MTMR14: variants seen among roughly 807,000 people sequenced by gnomAD.
MTMR14 encodes myotubularin related protein 14, also known as phosphatidylinositol-3,5-bisphosphate 3-phosphatase MTMR14.
A neutral mutation model predicts 86.3 loss-of-function variants in MTMR14; 48 were observed. That is an observed-to-expected ratio of 0.56 (90% CI 0.44 to 0.71). MTMR14 has a LOEUF of 0.71. Among genes scored for constraint, MTMR14 ranks in the 30% least tolerant of loss-of-function variants. The probability of loss-of-function intolerance (pLI) is 0.00; values close to 1 mark genes in which losing one functional copy is unlikely to be tolerated. For missense variants in MTMR14, 780 were observed against 834.6 expected (o/e 0.93, Z 0.81); for synonymous variants, 366 against 326.1 (o/e 1.12, Z -1.32).
intron 1 of MTMR14, among the ~76,000 whole-genome samples, chr3:9,653,236 A>G (rs1379331046): frequency 2.0e-5 from 3 of 152,244 alleles, no homozygotes; most frequent in African/African-American, 7.2e-5. Context: ...CTCCGTCTCA[A>G]AAAATAAATA....
At chr3:9,694,325 C>A (rs1481480586) in intron 17 of MTMR14, among the ~76,000 whole-genome samples, 1 of 144,126 alleles carries the variant, frequency 6.9e-6, no homozygotes, top group Non-Finnish European at 1.5e-5. Context: ...TGATTCAGGC[C>A]CCCCTCCCGT....
chr3:9,668,680 G>A, intron 3 of MTMR14, 39 bp from the exon 4 acceptor site: 1 of 1,610,916 alleles, frequency 6.2e-7, no homozygotes, highest in Non-Finnish European at 8.5e-7. Context: ...GCATGCTTCA[G>A]AAAACCATCT....
chr3:9,688,915 C>T (rs756410850), intron 15 of MTMR14, 29 bp from the exon 16 acceptor site: 45 of 1,613,594 alleles, frequency 2.8e-5, no homozygotes, highest in Admixed American at 8.3e-5. Flanking sequence ...GAAGGTAACA[C>T]GCTGACTGAT....
Position 9,701,525 on chromosome 3 carries a change from A to G in MTMR14, c.1770-265A>G, listed in dbSNP as rs1031550969. The G allele has an allele frequency of 9.6e-5, 19 of 198,186 alleles. No homozygotes were observed. The highest frequency in any genetic ancestry group is 5.7e-4 in the African/African-American group (18 of 31,528). The allele number at this position is 198,186 out of a possible 1,614,324, so 12.3% of individuals were successfully genotyped here. ...CAATAGAGTGAGACCTTGTCTCAAGAAAAAAAAAAAAAAGGTTAGTGTCCC... is the reference window on the plus strand; with the variant it reads ...CAATAGAGTGAGACCTTGTCTCAAGGAAAAAAAAAAAAAGGTTAGTGTCCC... On this transcript the variant is annotated intron_variant, in intron 18 of 18. Coordinates refer to ENST00000296003, the MANE Select transcript of MTMR14 (RefSeq NM_001077525.3). The surrounding 1 kb of genome is among the most constrained non-coding windows in gnomAD (Gnocchi z 4.2).
Position 9,676,377 on chromosome 3 carries a change from G to T in MTMR14, c.752-940G>T, listed in dbSNP as rs372134134. On this transcript the variant is annotated intron_variant, in intron 7 of 18. Coordinates refer to ENST00000296003, the MANE Select transcript of MTMR14 (RefSeq NM_001077525.3). ...GCAGGGGCAGGCCACAGCCCGGGGGGCAAGACGCATTCTCTCTGACCAAGG... is the reference window on the plus strand; with the variant it reads ...GCAGGGGCAGGCCACAGCCCGGGGGTCAAGACGCATTCTCTCTGACCAAGG... Among the ~76,000 whole-genome samples, 19 of 152,356 alleles carry T rather than the reference G, an allele frequency of 1.2e-4. No individual in the cohort carries two copies. In the East Asian group the frequency reaches 3.5e-3, roughly 28 times the overall value.
Position 9,701,809 on chromosome 3 carries a change from CGA to C in MTMR14, c.1794_1795del (p.Glu598AspfsTer70), listed in dbSNP as rs747161930. ...NSCLLAALSDRETRLQEVRSA... is the reference protein window; with the variant it reads ...NSCLLAALSDXETRLQEVRSA... ...CCATAGGCTTGCAGCCCTGAGTGATCGAGAGACTCGGCTGCAGGAGGTGCGCT... is the reference window on the plus strand; with the variant it reads ...CCATAGGCTTGCAGCCCTGAGTGATCGAGACTCGGCTGCAGGAGGTGCGCT... On this transcript the variant is annotated frameshift_variant, in exon 19 of 19. Transcript: ENST00000296003. LOFTEE classifies it high-confidence loss of function. This position sits in a 1 kb window ranked among gnomAD's most constrained non-coding sequence, Gnocchi z 4.2. 2.5e-6 allele frequency: 4 copies of C among 1,613,838 alleles called. No homozygotes were observed. The highest frequency in any genetic ancestry group is 3.4e-6 in the Non-Finnish European group (4 of 1,180,032).
chr3:9,672,880 C>A, intron 7 of MTMR14, 122 bp downstream of exon 7: 1 of 890,270 alleles, frequency 1.1e-6, no homozygotes, highest in Non-Finnish European at 1.9e-6. Context: ...TTGTGTCAGG[C>A]AGTGTAGGAC....
chr3:9,653,686 A>G lies in MTMR14; in HGVS notation c.225A>G (p.Pro75=). 6.2e-7 allele frequency: 1 copy of G among 1,614,182 alleles called. No individual in the cohort carries two copies. Among genetic ancestry groups the G allele is most frequent in the Non-Finnish European group, 8.5e-7 (1 of 1,180,044 alleles). The change falls in exon 2 of 19, where the codon CCA becomes CCG. Residue 75 remains proline, a synonymous_variant. Transcript: ENST00000296003. ...GAGACTACTGTTTCAGCGTGATTCC[A>G]AACACGAATGGGGATATCTGTGGCC... ...FGRDYCFSVI[P]NTNGDICGHY... is the part of the protein sequence containing the mutation.
At chr3:9,672,048 A>G (rs1156644375) in intron 6 of MTMR14, among the ~76,000 whole-genome samples, 2 of 152,174 alleles carry the variant, frequency 1.3e-5, no homozygotes, top group Non-Finnish European at 2.9e-5. Flanking sequence ...ACAGGAGAGC[A>G]GAAAAAAAGG....
intron 13 of MTMR14, among the ~76,000 whole-genome samples, chr3:9,687,027 C>A (rs1041784085): frequency 1.3e-5 from 2 of 152,218 alleles, no homozygotes; most frequent in Non-Finnish European, 2.9e-5. Context: ...CCCACACCCG[C>A]AGTTCTGAAC....
Position 9,653,693 on chromosome 3 carries a change from A to G in MTMR14, c.232A>G (p.Asn78Asp). Reference sequence around the variant, plus strand: ...CTGTTTCAGCGTGATTCCAAACACGAATGGGGATATCTGTGGCCACTATCC... The same window carrying G: ...CTGTTTCAGCGTGATTCCAAACACGGATGGGGATATCTGTGGCCACTATCC... Reference protein sequence around the residue: ...DYCFSVIPNTNGDICGHYPRH... With the variant: ...DYCFSVIPNTDGDICGHYPRH... The change falls in exon 2 of 19, where the codon AAT becomes GAT. Residue 78 changes from asparagine to aspartate, a missense_variant. Transcript: ENST00000296003. The G allele has an allele frequency of 6.2e-7, 1 of 1,614,186 alleles. No individual in the cohort carries two copies. The highest frequency in any genetic ancestry group is 1.7e-5 in the Admixed American group (1 of 60,014).
At chr3:9,678,201 CAGAAAGGAG>C (rs1322090710) in intron 9 of MTMR14, 143 bp downstream of exon 9, 5 of 676,844 alleles carry the variant, frequency 7.4e-6, no homozygotes, top group African/African-American at 5.5e-5. Context: ...TCTGTCCTCT[CAGAAAGGAG>C]GAATTGTGTG....
intron 18 of MTMR14, 23 bp downstream of exon 18, chr3:9,697,889 C>G (rs1250676868): frequency 6.2e-7 from 1 of 1,613,586 alleles, no homozygotes; most frequent in Non-Finnish European, 8.5e-7. Flanking sequence ...CTTGAGAAGG[C>G]AGGATGCTCC....
At chr3:9,676,804 G>A (rs1008561492) in intron 7 of MTMR14, among the ~76,000 whole-genome samples, 3 of 152,154 alleles carry the variant, frequency 2.0e-5, no homozygotes, top group African/African-American at 7.2e-5. Context: ...AGTGTCTCTT[G>A]AGCACCGGGT....
intron 9 of MTMR14, among the ~76,000 whole-genome samples, chr3:9,681,485 T>C (rs1176156764): frequency 6.6e-6 from 1 of 152,164 alleles, no homozygotes; most frequent in African/African-American, 2.4e-5. Flanking sequence ...CATTACAGTT[T>C]TTACCAGTGG....
At chr3:9,697,983 C>T in intron 18 of MTMR14, 117 bp downstream of exon 18, 1 of 1,409,792 alleles carries the variant, frequency 7.1e-7, no homozygotes, top group Admixed American at 1.7e-5. Context: ...TGGCCTCCTG[C>T]CCTCCCCTCT....
intron 2 of MTMR14, among the ~76,000 whole-genome samples, chr3:9,661,553 T>C (rs1432254160): frequency 1.3e-5 from 2 of 152,170 alleles, no homozygotes; most frequent in Admixed American, 6.5e-5. Flanking sequence ...CAAAAATACA[T>C]ATTCAGAGTT....
Position 9,701,960 on chromosome 3 carries a change from G to A in MTMR14, c.1940G>A (p.Ser647Asn), listed in dbSNP as rs759071141. Residue 647 changes from serine (S) to asparagine (N), a missense_variant, in exon 19 of 19, where the codon AGC becomes AAC. By Grantham distance (46) the Ser-to-Asn change is conservative. Coordinates refer to ENST00000296003, the MANE Select transcript of MTMR14 (RefSeq NM_001077525.3). This position sits in a 1 kb window ranked among gnomAD's most constrained non-coding sequence, Gnocchi z 4.2. ...GGTGTTGGACTCCGGAGCATCAGCAGCAATGCCTTGTGAAGAAGCCAGCCC... is the reference window on the plus strand; with the variant it reads ...GGTGTTGGACTCCGGAGCATCAGCAACAATGCCTTGTGAAGAAGCCAGCCC... ...ARGVGLRSIS[S>N]NAL The A allele has an allele frequency of 4.3e-6, 7 of 1,614,154 alleles. No individual in the cohort carries two copies. In the South Asian group the frequency reaches 7.7e-5, roughly 18 times the overall value.
At position 9,661,360 on chromosome 3, in the gene MTMR14, C is replaced by A. The variant is rs181938011; in HGVS notation, c.309-907C>A. On this transcript the variant is annotated intron_variant, in intron 2 of 18. Coordinates refer to ENST00000296003, the MANE Select transcript of MTMR14 (RefSeq NM_001077525.3). ...CTCTGCAACCCCAGTCCCTCACATG[C>A]GGAGTTCACAATAGGGTTCGAGCTC... Among the ~76,000 whole-genome samples the A allele has an allele frequency of 3.3e-5, 5 of 152,284 alleles. No homozygotes were observed. In the East Asian group the frequency reaches 5.8e-4, roughly 18 times the overall value.
Sources: gnomAD v4.1 joint callset for allele counts (sites outside exome capture counted in the v4.1 genomes callset) on GRCh38, gnomAD v4.1.1 for gene constraint, Gnocchi (gnomAD v3.1) non-coding constraint, MANE v1.5 for transcripts, NCBI Gene and HGNC (gene_info 2026-07-23, HGNC 2026-07-21) for gene names.